ELSPBP1: variants seen among roughly 807,000 people sequenced by gnomAD.
ELSPBP1 encodes the protein epididymal sperm binding protein 1.
Under a neutral mutation model 33.3 loss-of-function variants are expected in ELSPBP1, and 38 were observed. The observed-to-expected ratio is 1.14, with a 90% CI of 0.88 to 1.50. The LOEUF (loss-of-function observed/expected upper bound fraction) is 1.50. Among genes scored for constraint, ELSPBP1 ranks in the 40% most tolerant of loss-of-function variants. The probability of loss-of-function intolerance (pLI) is 0.00; values close to 1 mark genes in which losing one functional copy is unlikely to be tolerated. For synonymous variants in ELSPBP1, 85 were observed against 94.1 expected (o/e 0.90, Z 0.56); for missense variants, 267 against 263.5 (o/e 1.01, Z -0.09).
intron 3 of ELSPBP1, among the ~76,000 whole-genome samples, chr19:48,015,010 C>A (rs941721556): frequency 6.6e-6 from 1 of 152,096 alleles, no homozygotes; most frequent in Non-Finnish European, 1.5e-5. Flanking sequence ...GTAATCCCAG[C>A]AAAACTTAAC....
chr19:47,998,505 T>A (rs1568402382), intron 1 of ELSPBP1, among the ~76,000 whole-genome samples: 1 of 148,336 alleles, frequency 6.7e-6, no homozygotes, highest in Non-Finnish European at 1.5e-5. Context: ...AATGGCAGAG[T>A]CCGGGGCGCG....
intron 6 of ELSPBP1, 73 bp downstream of exon 6, chr19:48,022,407 G>C: frequency 1.5e-6 from 2 of 1,334,286 alleles, no homozygotes; most frequent in Non-Finnish European, 2.0e-6. Context: ...GTGTGTCACT[G>C]ATGCGAAGGC....
chr19:48,000,441 A>G (rs769120728), intron 1 of ELSPBP1, among the ~76,000 whole-genome samples: 5 of 151,104 alleles, frequency 3.3e-5, no homozygotes, highest in Non-Finnish European at 7.4e-5. Flanking sequence ...TGGTTTCACT[A>G]TGTTGGTCAA....
At chr19:48,016,212 C>G (rs773380947) in intron 4 of ELSPBP1, among the ~76,000 whole-genome samples, 173 bp downstream of exon 4, 1 of 152,160 alleles carries the variant, frequency 6.6e-6, no homozygotes, top group Non-Finnish European at 1.5e-5. Context: ...AGGGGTATCC[C>G]GAGGCCATTC....
At chr19:48,008,838 C>A in intron 2 of ELSPBP1, 101 bp downstream of exon 2, 3 of 1,059,414 alleles carry the variant, frequency 2.8e-6, no homozygotes, top group Non-Finnish European at 2.8e-6. Flanking sequence ...GATGGCTTAG[C>A]AAAAATCTCA....
chr19:48,015,872 C>A, intron 3 of ELSPBP1, 21 bp from the exon 4 acceptor site: 1 of 1,590,740 alleles, frequency 6.3e-7, no homozygotes, highest in South Asian at 1.1e-5. Flanking sequence ...TTAAGACACT[C>A]ACGAACTCTG....
At chr19:48,021,872 G>A (rs531914016) in intron 5 of ELSPBP1, among the ~76,000 whole-genome samples, 13 of 151,938 alleles carry the variant, frequency 8.6e-5, no homozygotes, top group East Asian at 1.9e-4. Context: ...TCAACCTCCC[G>A]AGTAGCTGGG....
chr19:48,004,987 A>G (rs1967003308), intron 1 of ELSPBP1, among the ~76,000 whole-genome samples: 1 of 152,190 alleles, frequency 6.6e-6, no homozygotes, highest in Non-Finnish European at 1.5e-5. Context: ...GCTTGGGCTC[A>G]GGAGTTTGAG....
At chr19:47,996,461 T>C (rs764702391) in intron 1 of ELSPBP1, among the ~76,000 whole-genome samples, 11 of 151,756 alleles carry the variant, frequency 7.2e-5, no homozygotes, top group Admixed American at 3.9e-4. Context: ...GATGAGTGGA[T>C]AGATAGATGG....
At chr19:48,022,738 A>G (rs1225733114) in intron 6 of ELSPBP1, among the ~76,000 whole-genome samples, 1 of 152,084 alleles carries the variant, frequency 6.6e-6, no homozygotes, top group Non-Finnish European at 1.5e-5. Flanking sequence ...GGAGCATGGT[A>G]TGAAAAAACA....
chr19:48,010,364 G>A lies in ELSPBP1; in HGVS notation c.70+1627G>A, dbSNP rs535891452. On this transcript the variant is annotated intron_variant, in intron 2 of 6. Transcript: ENST00000339841. ...ACCCACATACTTGTGGTGAAACTCA[G>A]TATTCCAAGTTCCCTTTGCGTGTAT... 1.1e-4 allele frequency among the ~76,000 whole-genome samples: 17 copies of A among 152,268 alleles called. No individual in the cohort carries two copies. In the South Asian group the frequency reaches 3.5e-3, roughly 32 times the overall value.
chr19:48,004,430 T>C (rs1290666483), intron 1 of ELSPBP1, among the ~76,000 whole-genome samples: 1 of 152,174 alleles, frequency 6.6e-6, no homozygotes, highest in Non-Finnish European at 1.5e-5. Context: ...ACACTGGGAT[T>C]ATAGGCATGA....
chr19:48,020,915 T>TTG (rs1568408677), intron 5 of ELSPBP1, among the ~76,000 whole-genome samples: 1 of 151,938 alleles, frequency 6.6e-6, no homozygotes. Flanking sequence ...TAGCTGTGGG[T>TTG]GGGGGGGTGT....
intron 1 of ELSPBP1, among the ~76,000 whole-genome samples, chr19:47,996,318 C>G (rs7254297): frequency 0.4 from 60,420 of 151,912 alleles, 12,136 homozygotes; most frequent in Middle Eastern, 0.45. Flanking sequence ...TGTATGGTTC[C>G]TCTTGGTACT....
At chr19:48,024,607 T>A (rs1355303743) in intron 6 of ELSPBP1, among the ~76,000 whole-genome samples, 1 of 152,148 alleles carries the variant, frequency 6.6e-6, no homozygotes, top group Non-Finnish European at 1.5e-5. Context: ...CTGGGCACCA[T>A]CTTAACAGGG....
At chr19:48,020,337 A>G (rs1162633144) in intron 5 of ELSPBP1, among the ~76,000 whole-genome samples, 1 of 152,136 alleles carries the variant, frequency 6.6e-6, no homozygotes, top group Non-Finnish European at 1.5e-5. Context: ...AAATAAGCAA[A>G]CAGTGAAATC....
At chr19:48,008,296 A>G (rs1967042633) in intron 1 of ELSPBP1, among the ~76,000 whole-genome samples, 1 of 152,132 alleles carries the variant, frequency 6.6e-6, no homozygotes, top group African/African-American at 2.4e-5. Context: ...ACAGTGGCAC[A>G]ATCATAGCTC....
At chr19:47,995,373 G>C (rs73565555) in intron 1 of ELSPBP1, among the ~76,000 whole-genome samples, 5,285 of 152,300 alleles carry the variant, frequency 0.035, 302 homozygotes, top group African/African-American at 0.12. Context: ...AAGGGAACAA[G>C]TTACCTGTTA....
chr19:47,999,935 C>T (rs1364879311), intron 1 of ELSPBP1, among the ~76,000 whole-genome samples: 1 of 151,822 alleles, frequency 6.6e-6, no homozygotes, highest in Non-Finnish European at 1.5e-5. Flanking sequence ...TGATCCTTCC[C>T]CCTCAGCCTC....
Sources: allele counts gnomAD v4.1 joint callset (sites outside exome capture counted in the v4.1 genomes callset), GRCh38; gene constraint gnomAD v4.1.1; transcripts MANE v1.5; gene names NCBI Gene and HGNC (gene_info 2026-07-23, HGNC 2026-07-21).